Variants in RBFOX1 observed in about 807,000 individuals in gnomAD.
RBFOX1 encodes RNA binding fox-1 homolog 1.
Under a neutral mutation model 57.7 loss-of-function variants are expected in RBFOX1, and 8 were observed. The ratio of observed to expected loss-of-function variants is 0.14; its 90% CI spans 0.08 to 0.25. RBFOX1 has a LOEUF of 0.25. RBFOX1 is among the 10% of genes least tolerant of loss of function. The pLI is 1.00. For synonymous variants in RBFOX1, 326 were observed against 222.4 expected (o/e 1.47, Z -4.15); for missense variants, 611 against 548.5 (o/e 1.11, Z -1.14).
intron 4 of RBFOX1, among the ~76,000 whole-genome samples, chr16:7,447,910 A>G (rs780226471): frequency 6.6e-6 from 1 of 152,260 alleles, no homozygotes; most frequent in Non-Finnish European, 1.5e-5. Context: ...GGGAGGGGCC[A>G]ACAGGCATCT....
chr16:6,195,063 A>G (rs2097171018), intron 1 of RBFOX1, among the ~76,000 whole-genome samples: 1 of 152,226 alleles, frequency 6.6e-6, no homozygotes, highest in South Asian at 2.1e-4. Context: ...CAGATACGGA[A>G]TCAGAGAAAC....
intron 1 of RBFOX1, among the ~76,000 whole-genome samples, chr16:6,198,530 A>G (rs990088430): frequency 6.6e-6 from 1 of 152,194 alleles, no homozygotes; most frequent in African/African-American, 2.4e-5. Context: ...TGTGACCTTG[A>G]GCATGTCAGT....
At chr16:5,877,141 G>T (rs1240246657) in intron 4 of RBFOX1, among the ~76,000 whole-genome samples, 1 of 152,230 alleles carries the variant, frequency 6.6e-6, no homozygotes. Flanking sequence ...GGAGGGAAAA[G>T]AGATTGTGTC....
At chr16:7,053,559 T>C (rs2050837703) in intron 4 of RBFOX1, among the ~76,000 whole-genome samples, 1 of 152,180 alleles carries the variant, frequency 6.6e-6, no homozygotes. Flanking sequence ...TGCCTGAGAA[T>C]TAAGATAATA....
At chr16:7,240,530 G>T (rs1046787039) in intron 4 of RBFOX1, among the ~76,000 whole-genome samples, 1 of 151,930 alleles carries the variant, frequency 6.6e-6, no homozygotes, top group African/African-American at 2.4e-5. Flanking sequence ...TGGGGTTTTC[G>T]TGGTGTTTTT....
rs548406420 is a variant in RBFOX1 at position 5,377,818 on chromosome 16, T to A, written c.220-89398T>A. Among the ~76,000 whole-genome samples, 6 of 151,600 alleles carry A rather than the reference T, an allele frequency of 4.0e-5. 1 individual carries two copies. The highest frequency in any genetic ancestry group is 1.2e-4 in the African/African-American group (5 of 40,900). ...AGGAAAATAAATATGCAAAAAAGCC[T>A]TCTGAAACATTGTGAGAACATTTTC... On this transcript the variant is annotated intron_variant, in intron 1 of 2. Coordinates refer to the RBFOX1 transcript ENST00000585867.
intron 1 of RBFOX1, among the ~76,000 whole-genome samples, chr16:5,313,447 A>G (rs1453100155): frequency 6.6e-6 from 1 of 152,170 alleles, no homozygotes; most frequent in Non-Finnish European, 1.5e-5. Flanking sequence ...CTGTAGAACA[A>G]ACAGGATCAT....
At chr16:5,570,879 T>TTTCTC (rs2046259506) in intron 2 of RBFOX1, among the ~76,000 whole-genome samples, 1 of 152,040 alleles carries the variant, frequency 6.6e-6, no homozygotes, top group Non-Finnish European at 1.5e-5. Context: ...ATTACACTTA[T>TTTCTC]TAAGTTACTT....
At chr16:6,328,409 G>A (rs1390320323) in intron 2 of RBFOX1, among the ~76,000 whole-genome samples, 1 of 152,014 alleles carries the variant, frequency 6.6e-6, no homozygotes, top group Non-Finnish European at 1.5e-5. Flanking sequence ...AATGCCACCT[G>A]TTCCCCCCAA....
chr16:7,404,497 A>T (rs1202428035), intron 4 of RBFOX1, among the ~76,000 whole-genome samples: 2 of 152,214 alleles, frequency 1.3e-5, no homozygotes, highest in African/African-American at 2.4e-5. Flanking sequence ...TGCGTGAAGC[A>T]CTTGGCATAA....
At chr16:6,770,106 C>G (rs565277797) in intron 3 of RBFOX1, among the ~76,000 whole-genome samples, 4 of 152,256 alleles carry the variant, frequency 2.6e-5, no homozygotes, top group African/African-American at 9.6e-5. Flanking sequence ...GAAAGAAAAA[C>G]AAGGAACTTG....
intron 1 of RBFOX1, among the ~76,000 whole-genome samples, chr16:6,206,125 A>G (rs1653489728): frequency 6.6e-6 from 1 of 152,126 alleles, no homozygotes; most frequent in Non-Finnish European, 1.5e-5. Context: ...GCACAGGTCA[A>G]ATCTGACTCA....
chr16:5,361,640 C>G (rs942807802), intron 1 of RBFOX1, among the ~76,000 whole-genome samples: 1 of 152,050 alleles, frequency 6.6e-6, no homozygotes, highest in South Asian at 2.1e-4. Context: ...CGTTGCAAGC[C>G]CATAAAGCTG....
chr16:7,159,675 A>G (rs931821694), intron 4 of RBFOX1, among the ~76,000 whole-genome samples: 1 of 152,168 alleles, frequency 6.6e-6, no homozygotes, highest in Admixed American at 6.5e-5. Context: ...TGCAGAAGGC[A>G]GTTTTGTTTG....
intron 5 of RBFOX1, among the ~76,000 whole-genome samples, chr16:7,549,020 G>C (rs1032761872): frequency 3.9e-5 from 6 of 152,212 alleles, no homozygotes; most frequent in African/African-American, 1.4e-4. Context: ...AGCCCAGATG[G>C]TGATAGGAGA....
chr16:6,696,817 C>T (rs867755028), intron 3 of RBFOX1, among the ~76,000 whole-genome samples: 1 of 152,118 alleles, frequency 6.6e-6, no homozygotes, highest in Non-Finnish European at 1.5e-5. Flanking sequence ...AGTAGAATAA[C>T]ATTTACATTG....
chr16:5,838,156 C>G (rs542203179), intron 3 of RBFOX1: 1 of 156,288 alleles, frequency 6.4e-6, no homozygotes, highest in South Asian at 2.0e-4. Flanking sequence ...CACCAGAATG[C>G]TGGAATCATC....
chr16:5,969,367 A>G (rs995461857), intron 4 of RBFOX1, among the ~76,000 whole-genome samples: 155 of 134,804 alleles, frequency 1.1e-3, no homozygotes, highest in African/African-American at 4.2e-3. Context: ...GCTGGAGTGC[A>G]ATGGTATGAA....
chr16:5,684,047 C>T (rs1367422855), intron 3 of RBFOX1, among the ~76,000 whole-genome samples: 3 of 151,908 alleles, frequency 2.0e-5, no homozygotes, highest in South Asian at 2.1e-4. Flanking sequence ...AAAGATGTAA[C>T]TGGTGATTAA....
Sources: allele counts gnomAD v4.1 joint callset (sites outside exome capture counted in the v4.1 genomes callset), GRCh38; gene constraint gnomAD v4.1.1; transcripts MANE v1.5; gene names NCBI Gene and HGNC (gene_info 2026-07-23, HGNC 2026-07-21).